CAPZB: variants seen among roughly 807,000 people sequenced by gnomAD.
The protein encoded by CAPZB is F-actin-capping protein subunit beta.
Under a neutral mutation model 38.1 loss-of-function variants are expected in CAPZB, and 2 were observed. The observed-to-expected ratio is 0.05, with a 90% CI of 0.02 to 0.17. CAPZB has a LOEUF of 0.17. Ranked by LOEUF, CAPZB falls within the 10% of genes least tolerant of loss-of-function variation. The pLI, the probability that CAPZB is intolerant of heterozygous loss-of-function variation, is 1.00. For synonymous variants in CAPZB, 107 were observed against 127.4 expected, an observed-to-expected ratio of 0.84 and a Z score of 1.08; for missense variants, 161 against 334.2, an observed-to-expected ratio of 0.48 and a Z score of 4.04.
chr1:19,477,573 C>G (rs985986400), intron 1 of CAPZB, among the ~76,000 whole-genome samples: 1 of 152,198 alleles, frequency 6.6e-6, no homozygotes, highest in East Asian at 1.9e-4. Context: ...GTGAAACCAA[C>G]GACAGCCCAT....
intron 1 of CAPZB, among the ~76,000 whole-genome samples, chr1:19,463,867 G>A (rs547630558): frequency 2.6e-5 from 4 of 152,232 alleles, no homozygotes; most frequent in African/African-American, 7.2e-5. Context: ...ATTTGTATTT[G>A]CTTGTTATGC....
At chr1:19,345,564 G>A (rs970493792) in intron 6 of CAPZB, among the ~76,000 whole-genome samples, 5 of 152,366 alleles carry the variant, frequency 3.3e-5, no homozygotes, top group South Asian at 4.1e-4. Flanking sequence ...CAGCTCACCC[G>A]AGCCAACTGG....
intron 1 of CAPZB, among the ~76,000 whole-genome samples, chr1:19,423,095 C>T (rs2094408009): frequency 6.6e-6 from 1 of 152,102 alleles, no homozygotes; most frequent in Non-Finnish European, 1.5e-5. Context: ...GTTGACAGCA[C>T]TAGAATACTA....
chr1:19,360,338 C>T (rs543649947), intron 4 of CAPZB, among the ~76,000 whole-genome samples: 1 of 152,230 alleles, frequency 6.6e-6, no homozygotes, highest in South Asian at 2.1e-4. Context: ...GAAAAACAAA[C>T]AAAAAAACCC....
chr1:19,402,232 G>A (rs1348298684), intron 2 of CAPZB, among the ~76,000 whole-genome samples: 1 of 152,194 alleles, frequency 6.6e-6, no homozygotes, highest in Non-Finnish European at 1.5e-5. Context: ...TGAATGGTCT[G>A]ATTCAGAAAG....
intron 6 of CAPZB, among the ~76,000 whole-genome samples, chr1:19,346,091 G>T (rs940756938): frequency 2.6e-5 from 4 of 152,154 alleles, no homozygotes; most frequent in Non-Finnish European, 5.9e-5. Flanking sequence ...TTATTTCCCT[G>T]ACAAGAATAT....
At chr1:19,378,505 C>A (rs766199795) in intron 4 of CAPZB, 35 bp downstream of exon 4, 3 of 1,209,598 alleles carry the variant, frequency 2.5e-6, no homozygotes, top group Admixed American at 1.7e-5. Context: ...TCAAAACTCA[C>A]AAGCGCTAAA....
intron 1 of CAPZB, 110 bp from the exon 2 acceptor site, chr1:19,419,860 G>C: frequency 1.5e-6 from 1 of 671,712 alleles, no homozygotes; most frequent in South Asian, 1.8e-5. Context: ...AAAGAGCCAC[G>C]CAGTGGGCCC....
At chr1:19,345,043 C>T (rs775672747) in intron 7 of CAPZB, 144 bp downstream of exon 7, 6 of 690,988 alleles carry the variant, frequency 8.7e-6, no homozygotes, top group Non-Finnish European at 1.5e-5. Context: ...AATATGAGGC[C>T]AGGGCAAAAT....
intron 4 of CAPZB, among the ~76,000 whole-genome samples, chr1:19,358,398 A>T (rs2094033353): frequency 6.6e-6 from 1 of 152,194 alleles, no homozygotes; most frequent in South Asian, 2.1e-4. Flanking sequence ...TCAGCCTCCC[A>T]AAGTGCTGGG....
At chr1:19,385,934 C>T (rs2094201712) in intron 2 of CAPZB, 9 of 448,356 alleles carry the variant, frequency 2.0e-5, no homozygotes, top group South Asian at 1.8e-4. Context: ...TGTGTATGTG[C>T]TTGGTATTGG....
chr1:19,348,210 T>C (rs2093972597), intron 6 of CAPZB, among the ~76,000 whole-genome samples: 1 of 152,044 alleles, frequency 6.6e-6, no homozygotes, highest in African/African-American at 2.4e-5. Flanking sequence ...GGTTACCCTC[T>C]GTTCTGTCCT....
At chr1:19,471,852 C>G (rs111381400) in intron 1 of CAPZB, among the ~76,000 whole-genome samples, 5 of 115,966 alleles carry the variant, frequency 4.3e-5, no homozygotes, top group African/African-American at 1.6e-4. Flanking sequence ...GGAGACAAAG[C>G]GAGACTCCGT....
intron 4 of CAPZB, among the ~76,000 whole-genome samples, chr1:19,372,565 C>T (rs972877080): frequency 6.6e-6 from 1 of 152,216 alleles, no homozygotes; most frequent in African/African-American, 2.4e-5. Flanking sequence ...GCAAGATGTT[C>T]CTCTGACAGC....
chr1:19,472,709 ATTTTTTTTTTT>A (rs11334966), intron 1 of CAPZB, among the ~76,000 whole-genome samples: 16 of 61,204 alleles, frequency 2.6e-4, no homozygotes, highest in African/African-American at 9.0e-4. Flanking sequence ...TTCATTCTTC[ATTTTTTTTTTT>A]TTTTTTTTTT....
intron 1 of CAPZB, among the ~76,000 whole-genome samples, chr1:19,442,514 C>T (rs144381325): frequency 3.9e-5 from 6 of 152,170 alleles, no homozygotes; most frequent in African/African-American, 7.2e-5. Flanking sequence ...AGTTCCCTTA[C>T]GGTAAGGCCT....
Position 19,339,180 on chromosome 1 carries a change from C to T in CAPZB, c.*350G>A. The T allele has an allele frequency of 3.7e-6, 1 of 267,760 alleles. No individual in the cohort carries two copies. The highest frequency in any genetic ancestry group is 7.2e-6 in the Non-Finnish European group (1 of 139,636). 16.6% of individuals were successfully genotyped at this position (267,760 alleles called of 1,614,324 possible). ...ATTTTTTTGTTTTACATTTTTTACA[C>T]CAATGTACCAAAAAGGTGGGAGGGA... is the stretch of plus-strand genomic sequence containing the variant. On this transcript the variant is annotated 3_prime_UTR_variant, in exon 9 of 9. Transcript: ENST00000264202.
chr1:19,460,078 A>G (rs1335479021), intron 1 of CAPZB, among the ~76,000 whole-genome samples: 1 of 152,224 alleles, frequency 6.6e-6, no homozygotes, highest in East Asian at 1.9e-4. Flanking sequence ...GAACGAAAAA[A>G]AACTGTATGC....
chr1:19,395,639 C>G (rs1027451169), intron 2 of CAPZB, among the ~76,000 whole-genome samples: 1 of 152,218 alleles, frequency 6.6e-6, no homozygotes, highest in Non-Finnish European at 1.5e-5. Flanking sequence ...CACATGTAAC[C>G]TTAAGCTTCC....
Sources: allele counts gnomAD v4.1 joint callset (sites outside exome capture counted in the v4.1 genomes callset), GRCh38; gene constraint gnomAD v4.1.1; transcripts MANE v1.5; gene names NCBI Gene and HGNC (gene_info 2026-07-23, HGNC 2026-07-21).